ZDBF2: variants seen among roughly 807,000 people sequenced by gnomAD.
The protein encoded by ZDBF2 is DBF4-type zinc finger-containing protein 2.
In ZDBF2, 6 loss-of-function variants were observed where a neutral mutation model predicts 9.4. The ratio of observed to expected loss-of-function variants is 0.64; its 90% CI spans 0.35 to 1.27. The LOEUF is 1.27. Ranked by LOEUF, ZDBF2 falls within the 50% of genes most tolerant of loss-of-function variation. ZDBF2 has a pLI of 0.03. For synonymous variants in ZDBF2, 905 were observed against 946.3 expected (o/e 0.96, Z 0.80); for missense variants, 2,697 against 2,766.8 (o/e 0.97, Z 0.57).
chr2:206,307,155 C>T lies in ZDBF2; in HGVS notation c.2627C>T (p.Ser876Phe). The T allele has an allele frequency of 6.2e-7, 1 of 1,613,282 alleles. No homozygotes were observed. The highest frequency in any genetic ancestry group is 8.5e-7 in the Non-Finnish European group (1 of 1,179,682). Residue 876 changes from serine to phenylalanine, a missense_variant, in exon 5 of 5, where the codon TCC (serine) becomes TTC (phenylalanine). Transcript: ENST00000374423. ...EPSGSEISSD[S>F]HAPLHSVTNS... ...AGTGGTTCTGAAATAAGTTCGGATT[C>T]CCATGCCCCTCTTCATTCAGTGACT... is the stretch of plus-strand genomic sequence containing the variant.
intron 3 of ZDBF2, among the ~76,000 whole-genome samples, chr2:206,286,572 A>AT (rs1004717735): frequency 1.3e-5 from 2 of 151,940 alleles, no homozygotes; most frequent in African/African-American, 2.4e-5. Context: ...TAAAAAAAAA[A>AT]AAATAAAAGA....
At chr2:206,293,624 C>T (rs973452047) in intron 3 of ZDBF2, among the ~76,000 whole-genome samples, 1 of 152,098 alleles carries the variant, frequency 6.6e-6, no homozygotes, top group African/African-American at 2.4e-5. Context: ...GAGACTTGAA[C>T]AGACCCAATG....
chr2:206,313,246 T>TA lies in ZDBF2; in HGVS notation c.*1655dup. ...TGGTTTTATTTCAGGGGCCATTATTTAACCTGTGTGTATGCTATGATGGAG... is the reference window on the plus strand; with the variant it reads ...TGGTTTTATTTCAGGGGCCATTATTTAAACCTGTGTGTATGCTATGATGGAG... On this transcript the variant is annotated 3_prime_UTR_variant, in exon 5 of 5. Coordinates refer to ENST00000374423, the MANE Select transcript of ZDBF2 (RefSeq NM_020923.3). 1 of 152,264 alleles carries TA rather than the reference T, an allele frequency of 6.6e-6. No individual in the cohort carries two copies. The highest frequency in any genetic ancestry group is 1.5e-5 in the Non-Finnish European group (1 of 68,046). The allele number at this position is 152,264 out of a possible 1,614,324, so 9.4% of individuals were successfully genotyped here.
chr2:206,311,211 C>T lies in ZDBF2; in HGVS notation c.6683C>T (p.Ser2228Leu), dbSNP rs781279011. 4.5e-5 allele frequency: 72 copies of T among 1,612,082 alleles called. No individual in the cohort carries two copies. The highest frequency in any genetic ancestry group is 8.8e-5 in the South Asian group (8 of 90,634). The change falls in exon 5 of 5, where the codon TCG becomes TTG. Residue 2228 changes from serine (S) to leucine (L), a missense_variant. Physicochemically the swap from Ser to Leu is moderately radical, Grantham distance 145. This residue lies in a region of ZDBF2 where 1,783 missense variants were observed against 1,776.5 expected (regional missense o/e 1.00). Coordinates refer to ENST00000374423, the MANE Select transcript of ZDBF2 (RefSeq NM_020923.3). ...AGTGATATCATTAGAAAGTATATTT[C>T]GAAATACTCTGTCTTTTTACGTCAT... ...KPSDIIRKYISKYSVFLRHRY... is the reference protein window; with the variant it reads ...KPSDIIRKYILKYSVFLRHRY...
chr2:206,282,189 T>C (rs1226922928), intron 3 of ZDBF2, among the ~76,000 whole-genome samples: 1 of 152,054 alleles, frequency 6.6e-6, no homozygotes. Context: ...GAAAACAAAA[T>C]AGGGAAGGGG....
chr2:206,310,071 A>C lies in ZDBF2; in HGVS notation c.5543A>C (p.Lys1848Thr). The C allele has an allele frequency of 6.2e-7, 1 of 1,613,858 alleles. No homozygotes were observed. The highest frequency in any genetic ancestry group is 2.2e-5 in the East Asian group (1 of 44,872). Reference sequence around the variant, plus strand: ...GACATAAAAATTAATGCTCTGGTGAAGGAGTTTAGGGAAGGTCGTTTCCAC... The same window carrying C: ...GACATAAAAATTAATGCTCTGGTGACGGAGTTTAGGGAAGGTCGTTTCCAC... ...EDDIKINALV[K>T]EFREGRFHCY... The change falls in exon 5 of 5, where the codon AAG becomes ACG. Residue 1848 changes from lysine to threonine, a missense_variant. Around this residue, in one of 3 missense-constraint regions of ZDBF2, gnomAD observed 1,783 missense variants for 1,776.5 expected, o/e 1.00. Transcript: ENST00000374423.
In ZDBF2 at chr2:206,306,357, T is replaced by C. The variant is rs776137882; in HGVS notation, c.1829T>C (p.Val610Ala). Residue 610 changes from valine to alanine, a missense_variant, in exon 5 of 5, where the codon GTC becomes GCC. Physicochemically the swap from Val to Ala is moderately conservative, Grantham distance 64. This residue lies in a region of ZDBF2 where 910 missense variants were observed against 973.6 expected (regional missense o/e 0.93). Transcript: ENST00000374423. ...VKGRNLKGRQ[V>A]HLKHKKRKPS... Reference sequence around the variant, plus strand: ...GGAAGAAACCTGAAAGGTAGACAAGTCCACCTAAAACATAAGAAGCGTAAA... The same window carrying C: ...GGAAGAAACCTGAAAGGTAGACAAGCCCACCTAAAACATAAGAAGCGTAAA... 3 of 1,613,764 alleles carry C rather than the reference T, an allele frequency of 1.9e-6. No individual in the cohort carries two copies. Among genetic ancestry groups the C allele is most frequent in the Non-Finnish European group, 2.5e-6 (3 of 1,179,808 alleles).
chr2:206,304,670 A>C (rs751619429), intron 4 of ZDBF2, 47 bp from the exon 5 acceptor site: 3 of 1,538,048 alleles, frequency 2.0e-6, no homozygotes, highest in Non-Finnish European at 2.6e-6. Context: ...TTAATATTTT[A>C]AACAGACATT....
At chr2:206,285,696 G>A (rs995900816) in intron 3 of ZDBF2, among the ~76,000 whole-genome samples, 3 of 152,010 alleles carry the variant, frequency 2.0e-5, no homozygotes, top group African/African-American at 4.8e-5. Flanking sequence ...CTGTCCTTTC[G>A]AGGTCTTTTC....
At chr2:206,283,762 C>G (rs928124572) in intron 3 of ZDBF2, among the ~76,000 whole-genome samples, 11 of 152,180 alleles carry the variant, frequency 7.2e-5, no homozygotes, top group African/African-American at 2.7e-4. Flanking sequence ...CTCCTGGGCT[C>G]AAGCAGTTCT....
intron 1 of ZDBF2, among the ~76,000 whole-genome samples, chr2:206,278,240 AT>A: frequency 6.6e-6 from 1 of 152,140 alleles, no homozygotes; most frequent in East Asian, 1.9e-4. Flanking sequence ...AATAAAAGTC[AT>A]TTTTTAAAGA....
intron 1 of ZDBF2, 42 bp downstream of exon 1, chr2:206,274,988 C>T (rs1179245316): frequency 6.7e-6 from 1 of 149,480 alleles, no homozygotes; most frequent in Non-Finnish European, 1.5e-5. Flanking sequence ...GGGGCGACGC[C>T]CGCGGGCGGG....
In ZDBF2 at chr2:206,306,708, A is replaced by G. The variant is rs1692821757; in HGVS notation, c.2180A>G (p.Asp727Gly). 2.5e-6 allele frequency: 4 copies of G among 1,613,814 alleles called. No individual in the cohort carries two copies. The highest frequency in any genetic ancestry group is 3.4e-6 in the Non-Finnish European group (4 of 1,179,792). Residue 727 changes from aspartate (D) to glycine (G), a missense_variant, in exon 5 of 5, where the codon GAT (aspartate) becomes GGT (glycine). Coordinates refer to ENST00000374423, the MANE Select transcript of ZDBF2 (RefSeq NM_020923.3). ...SAHDEPQEAL[D>G]EVNLKELNID... ...CATGATGAGCCTCAAGAAGCTTTGG[A>G]TGAAGTAAATCTTAAAGAGTTAAAT...
At chr2:206,297,178 C>T in intron 3 of ZDBF2, 68 bp from the exon 4 acceptor site, 1 of 614,446 alleles carries the variant, frequency 1.6e-6, no homozygotes, top group Non-Finnish European at 2.9e-6. Context: ...GAAATGAATC[C>T]ATTTTGTCGA....
rs938962090 is a variant in ZDBF2 at position 206,307,770 on chromosome 2, C to G, written c.3242C>G (p.Thr1081Ser). 6.2e-7 allele frequency: 1 copy of G among 1,610,900 alleles called. No individual in the cohort carries two copies. The highest frequency in any genetic ancestry group is 1.1e-5 in the South Asian group (1 of 90,014). The change falls in exon 5 of 5, where the codon ACT becomes AGT. Residue 1081 changes from threonine (T) to serine (S), a missense_variant. By Grantham distance (58) the Thr-to-Ser change is moderately conservative. Around this residue, in one of 3 missense-constraint regions of ZDBF2, gnomAD observed 1,783 missense variants for 1,776.5 expected, o/e 1.00. Coordinates refer to ENST00000374423, the MANE Select transcript of ZDBF2 (RefSeq NM_020923.3). The stretch of plus-strand genomic sequence containing the variant: ...AGTAAATCAGGTGATTCTAAAATAA[C>G]TTTTGATTCTGAACAACTTCAGGAA... ...KNSKSGDSKI[T>S]FDSEQLQEAV...
At position 206,311,611 on chromosome 2, in the gene ZDBF2, A is replaced by G. The variant is rs758467532; in HGVS notation, c.*18A>G. 4 of 1,463,766 alleles carry G rather than the reference A, an allele frequency of 2.7e-6. No homozygotes were observed. Among genetic ancestry groups the G allele is most frequent in the Non-Finnish European group, 3.6e-6 (4 of 1,106,590 alleles). The allele number at this position is 1,463,766 out of a possible 1,614,324, so 90.7% of individuals were successfully genotyped here. On this transcript the variant is annotated 3_prime_UTR_variant, in exon 5 of 5. Transcript: ENST00000374423. ...TAAAATAGAAGTTGGTTTTGTGTTC[A>G]GGCTAGTTGAGGATTCAGTACTTCA...
At chr2:206,287,068 T>C (rs1053876353) in intron 3 of ZDBF2, among the ~76,000 whole-genome samples, 1 of 152,218 alleles carries the variant, frequency 6.6e-6, no homozygotes, top group South Asian at 2.1e-4. Flanking sequence ...CATAGGCTTA[T>C]GAACCTATTG....
intron 3 of ZDBF2, among the ~76,000 whole-genome samples, chr2:206,284,267 GATGT>G (rs1394646957): frequency 2.0e-5 from 3 of 151,670 alleles, no homozygotes; most frequent in African/African-American, 2.4e-5. Context: ...ACCCATAGTG[GATGT>G]ATGTATGTAT....
rs781535356 is a variant in ZDBF2 at position 206,297,231 on chromosome 2, C to T, written c.61-15C>T. On this transcript the variant is annotated splice_polypyrimidine_tract_variant and intron_variant, in intron 3 of 4. Coordinates refer to ENST00000374423, the MANE Select transcript of ZDBF2 (RefSeq NM_020923.3). Reference sequence around the variant, plus strand: ...CTGTCCATTTAAAAATATTCCATTTCTTTTTTCTTTATAGCATTTGTTCAG... The same window carrying T: ...CTGTCCATTTAAAAATATTCCATTTTTTTTTTCTTTATAGCATTTGTTCAG... 2 of 1,146,220 alleles carry T rather than the reference C, an allele frequency of 1.7e-6. No homozygotes were observed. Among genetic ancestry groups the T allele is most frequent in the Non-Finnish European group, 2.6e-6 (2 of 760,654 alleles). The allele number at this position is 1,146,220 out of a possible 1,614,324, so 71.0% of individuals were successfully genotyped here.
Sources: gnomAD v4.1 joint callset for allele counts (sites outside exome capture counted in the v4.1 genomes callset) on GRCh38, gnomAD v4.1.1 for gene constraint, gnomAD v4.1.1 regional missense constraint, MANE v1.5 for transcripts, NCBI Gene and HGNC (gene_info 2026-07-23, HGNC 2026-07-21) for gene names.